The following NALF1 variants were observed in gnomAD, a reference collection of about 807,000 sequenced individuals.
The protein encoded by NALF1 is NALCN channel auxiliary factor 1, also known as family with sequence similarity 155 member A.
Under a neutral mutation model 48.4 loss-of-function variants are expected in NALF1, and 3 were observed. The ratio of observed to expected loss-of-function variants is 0.06; its 90% CI spans 0.03 to 0.16. The LOEUF is 0.16. Among genes scored for constraint, NALF1 ranks in the 10% least tolerant of loss-of-function variants. The pLI is 1.00. For synonymous variants in NALF1, 262 were observed against 245.7 expected (o/e 1.07, Z -0.62); for missense variants, 526 against 571.5 (o/e 0.92, Z 0.81).
chr13:107,267,122 G>A (rs1214656523), intron 1 of NALF1, among the ~76,000 whole-genome samples: 1 of 152,184 alleles, frequency 6.6e-6, no homozygotes. Context: ...TCTTGGCCAA[G>A]ACTCCCCTCC....
At chr13:107,840,016 A>G (rs1172300076) in intron 1 of NALF1, among the ~76,000 whole-genome samples, 1 of 152,204 alleles carries the variant, frequency 6.6e-6, no homozygotes, top group African/African-American at 2.4e-5. Flanking sequence ...TTGATCCTAT[A>G]CATACCCTAA....
chr13:107,180,325 G>A (rs1322831045), intron 2 of NALF1, among the ~76,000 whole-genome samples: 3 of 151,838 alleles, frequency 2.0e-5, no homozygotes, highest in Non-Finnish European at 4.4e-5. Flanking sequence ...GAAATCTTAA[G>A]GAATCTGAGG....
At chr13:107,731,342 CATT>C (rs1439470760) in intron 1 of NALF1, among the ~76,000 whole-genome samples, 1 of 152,082 alleles carries the variant, frequency 6.6e-6, no homozygotes, top group Non-Finnish European at 1.5e-5. Context: ...CACAATAAAA[CATT>C]ATACTTTGGG....
intron 2 of NALF1, among the ~76,000 whole-genome samples, chr13:107,182,205 A>ATATT (rs367724222): frequency 0.017 from 2,495 of 150,562 alleles, 70 homozygotes; most frequent in African/African-American, 0.059. Flanking sequence ...CAATATGAGC[A>ATATT]TATTTATTTA....
chr13:107,511,554 C>CCTA (rs1875892976), intron 1 of NALF1, among the ~76,000 whole-genome samples: 2 of 152,284 alleles, frequency 1.3e-5, no homozygotes, highest in Admixed American at 1.3e-4. Context: ...ACGGTGAGCT[C>CCTA]AGTCCTAAGT....
chr13:107,442,761 A>G (rs1214793892), intron 1 of NALF1, among the ~76,000 whole-genome samples: 1 of 152,234 alleles, frequency 6.6e-6, no homozygotes, highest in East Asian at 1.9e-4. Flanking sequence ...TTTAAGTCAC[A>G]ATTTTTAAAA....
chr13:107,281,554 G>A (rs180924575), intron 1 of NALF1, among the ~76,000 whole-genome samples: 3 of 152,136 alleles, frequency 2.0e-5, no homozygotes, highest in Non-Finnish European at 2.9e-5. Context: ...AAAAAGTGAC[G>A]GTAATTAGAC....
At chr13:107,350,309 C>T (rs556671870) in intron 1 of NALF1, among the ~76,000 whole-genome samples, 272 of 143,282 alleles carry the variant, frequency 1.9e-3, no homozygotes, top group Non-Finnish European at 3.1e-3. Context: ...AACTGAGTTC[C>T]TGTAAAAAAA....
intron 1 of NALF1, among the ~76,000 whole-genome samples, chr13:107,859,509 T>G (rs1387278573): frequency 6.6e-6 from 1 of 152,176 alleles, no homozygotes; most frequent in African/African-American, 2.4e-5. Flanking sequence ...TACCCAAGAA[T>G]TAAATATTTT....
intron 1 of NALF1, among the ~76,000 whole-genome samples, chr13:107,710,275 T>C (rs908994805): frequency 4.6e-5 from 7 of 151,676 alleles, no homozygotes; most frequent in Non-Finnish European, 7.4e-5. Context: ...ATTTAAAGAG[T>C]TGGCAACAAT....
intron 1 of NALF1, among the ~76,000 whole-genome samples, chr13:107,661,140 T>C (rs989027579): frequency 1.3e-5 from 2 of 152,158 alleles, no homozygotes; most frequent in East Asian, 1.9e-4. Flanking sequence ...TCTAGGAACT[T>C]TCAAAAAACA....
intron 1 of NALF1, among the ~76,000 whole-genome samples, chr13:107,315,958 T>C (rs2138908752): frequency 6.6e-6 from 1 of 152,040 alleles, no homozygotes; most frequent in East Asian, 1.9e-4. Context: ...GCAGGTTTGT[T>C]ACATATGTAT....
rs535258464 is a variant in NALF1 at position 107,299,692 on chromosome 13, ATTTATTTAT to A, written c.916-88946_916-88938del. Among the ~76,000 whole-genome samples the A allele has an allele frequency of 7.8e-4, 55 of 70,802 alleles. 1 individual carries two copies. The South Asian group carries it at 0.049, about 63-fold the overall frequency. 46.4% of individuals were successfully genotyped at this position (70,802 alleles called of 152,430 possible). A position where few individuals can be genotyped will look rare whatever the true frequency, so the allele number is the denominator to read the frequency against. On this transcript the variant is annotated intron_variant, in intron 1 of 2. Coordinates refer to ENST00000375915, the MANE Select transcript of NALF1 (RefSeq NM_001080396.3). ...AGGAAGAACTGTTCCTTATTTATTT[ATTTATTTAT>A]TTATTTATTTATTTATTCGATTATG...
intron 1 of NALF1, among the ~76,000 whole-genome samples, chr13:107,601,365 A>G (rs1377294497): frequency 6.6e-6 from 1 of 152,198 alleles, no homozygotes; most frequent in Non-Finnish European, 1.5e-5. Flanking sequence ...TCTTTTTAAA[A>G]GAGAATTGTG....
intron 1 of NALF1, among the ~76,000 whole-genome samples, chr13:107,302,706 T>C (rs1204949359): frequency 6.6e-6 from 1 of 152,206 alleles, no homozygotes; most frequent in African/African-American, 2.4e-5. Flanking sequence ...TCAAAACAAT[T>C]GAATCTGAAT....
chr13:107,814,990 C>T (rs904894036), intron 1 of NALF1, among the ~76,000 whole-genome samples: 2 of 152,108 alleles, frequency 1.3e-5, no homozygotes, highest in African/African-American at 4.8e-5. Context: ...TCTGATCATA[C>T]TCAAAAATTA....
At chr13:107,586,943 T>C (rs556368530) in intron 1 of NALF1, among the ~76,000 whole-genome samples, 1 of 152,222 alleles carries the variant, frequency 6.6e-6, no homozygotes, top group South Asian at 2.1e-4. Flanking sequence ...CAAACTTATA[T>C]AGAGCCATGC....
chr13:107,262,769 G>GCGCGCGCGCTCTCTCTCT (rs36027059), intron 1 of NALF1, among the ~76,000 whole-genome samples: 3 of 144,036 alleles, frequency 2.1e-5, no homozygotes, highest in Non-Finnish European at 3.0e-5. Context: ...ACCCACAGGC[G>GCGCGCGCGCTCTCTCTCT]CTCTCTCTCT....
chr13:107,522,610 AT>A (rs35745004), intron 1 of NALF1, among the ~76,000 whole-genome samples: 15,428 of 144,404 alleles, frequency 0.11, 817 homozygotes, highest in South Asian at 0.16. Flanking sequence ...AAATATCCAG[AT>A]TTTTTTTTTT....
Sources: allele counts gnomAD v4.1 joint callset (sites outside exome capture counted in the v4.1 genomes callset), GRCh38; gene constraint gnomAD v4.1.1; transcripts MANE v1.5; gene names NCBI Gene and HGNC (gene_info 2026-07-23, HGNC 2026-07-21).